The following CPNE1 variants were observed in gnomAD, a reference collection of about 807,000 sequenced individuals.
CPNE1 encodes the protein copine 1.
A neutral mutation model predicts 63.2 loss-of-function variants in CPNE1; 58 were observed. The ratio of observed to expected loss-of-function variants is 0.92; its 90% CI spans 0.74 to 1.14. CPNE1 has a LOEUF of 1.14. CPNE1 is among the 50% of genes most tolerant of loss of function. The probability of loss-of-function intolerance (pLI) is 0.00; values close to 1 mark genes in which losing one functional copy is unlikely to be tolerated. For synonymous variants in CPNE1, 237 were observed against 249.0 expected (o/e 0.95, Z 0.45); for missense variants, 672 against 661.7 (o/e 1.02, Z -0.17).
intron 1 of CPNE1, among the ~76,000 whole-genome samples, chr20:35,640,784 T>C (rs916029466): frequency 6.6e-6 from 1 of 152,160 alleles, no homozygotes; most frequent in African/African-American, 2.4e-5. Flanking sequence ...TTATGAATGC[T>C]AGGAAAGGAG....
intron 1 of CPNE1, among the ~76,000 whole-genome samples, chr20:35,661,071 T>C (rs895937631): frequency 1.3e-5 from 2 of 152,226 alleles, no homozygotes; most frequent in African/African-American, 2.4e-5. Context: ...TCAATCCAGA[T>C]AGAAATTTAT....
At chr20:35,629,646 T>A (rs1262597641) in intron 13 of CPNE1, among the ~76,000 whole-genome samples, 5 of 151,604 alleles carry the variant, frequency 3.3e-5, no homozygotes, top group Non-Finnish European at 7.4e-5. Flanking sequence ...CCCCAAGTCA[T>A]GTGGCATCAT....
In CPNE1 at chr20:35,626,776, C is replaced by G. The variant is rs77812991; in HGVS notation, c.1264G>C (p.Asp422His). ...SQYFMLLLLT[D>H]GAVTDVEATR... ...GCTTCCACATCCGTCACAGCACCAT[C>G]AGTCAGCAGCAACAGCATGAAGTAT... Residue 422 changes from aspartate to histidine, a missense_variant, in exon 15 of 16, where the codon GAT (aspartate) becomes CAT (histidine). Coordinates refer to ENST00000397443, the MANE Select transcript of CPNE1 (RefSeq NM_152925.3). 2 of 1,614,176 alleles carry G rather than the reference C, an allele frequency of 1.2e-6. No individual in the cohort carries two copies. The highest frequency in any genetic ancestry group is 4.5e-5 in the East Asian group (2 of 44,886).
chr20:35,632,661 G>A lies in CPNE1; in HGVS notation c.165C>T (p.Ser55=), dbSNP rs1264935665. 2 of 1,330,152 alleles carry A rather than the reference G, an allele frequency of 1.5e-6. No individual in the cohort carries two copies. Among genetic ancestry groups the A allele is most frequent in the Non-Finnish European group, 2.2e-6 (2 of 920,524 alleles). 82.4% of individuals were successfully genotyped at this position (1,330,152 alleles called of 1,614,324 possible). The change falls in exon 3 of 16, where the codon AGC becomes AGT. Residue 55 remains serine, a synonymous_variant. Transcript: ENST00000397443. ...GRTERVRNCS[S]PEFSKTLQLE... ...GCTGTAGAGTCTTGGAGAACTCAGG[G>A]CTTGAGCAGTTCCGCACCCGTTCAG...
chr20:35,631,492 C>A lies in CPNE1; in HGVS notation c.714G>T (p.Pro238=). Residue 238 remains proline, a splice_region_variant and synonymous_variant, in exon 8 of 16, where the codon CCG becomes CCT. Coordinates refer to ENST00000397443, the MANE Select transcript of CPNE1 (RefSeq NM_152925.3). ...HTSLAQLQAV[P]AEFECIHPEK... ...CACCCCTGGCAAGACCAGCACTCACCGGGACTGCCTGCAGCTGGGCCAAGC... is the reference window on the plus strand; with the variant it reads ...CACCCCTGGCAAGACCAGCACTCACAGGGACTGCCTGCAGCTGGGCCAAGC... The A allele has an allele frequency of 6.2e-7, 1 of 1,613,662 alleles. No homozygotes were observed. Among genetic ancestry groups the A allele is most frequent in the South Asian group, 1.1e-5 (1 of 91,048 alleles).
At chr20:35,634,905 AT>A (rs56017917) in intron 1 of CPNE1, among the ~76,000 whole-genome samples, 10,979 of 121,982 alleles carry the variant, frequency 0.09, 335 homozygotes, top group South Asian at 0.17. Flanking sequence ...ACACCCAGCT[AT>A]TTTTTTTTTT....
intron 1 of CPNE1, among the ~76,000 whole-genome samples, chr20:35,638,613 C>T (rs1342227952): frequency 6.6e-6 from 1 of 151,724 alleles, no homozygotes; most frequent in Non-Finnish European, 1.5e-5. Context: ...CTAACAAACA[C>T]CTAGCCCAAG....
At chr20:35,632,975 C>G (rs753233196) in intron 1 of CPNE1, 52 bp from the exon 2 acceptor site, 15 of 839,858 alleles carry the variant, frequency 1.8e-5, no homozygotes, top group Non-Finnish European at 3.1e-5. Context: ...CTCCCCTTCC[C>G]CGACTACAGG....
intron 1 of CPNE1, among the ~76,000 whole-genome samples, chr20:35,641,028 CT>C (rs1320324143): frequency 2.0e-5 from 3 of 152,292 alleles, no homozygotes; most frequent in East Asian, 1.9e-4. Flanking sequence ...AGGAGTTACC[CT>C]TTATAGTTTG....
intron 1 of CPNE1, among the ~76,000 whole-genome samples, chr20:35,642,895 T>C (rs1319023180): frequency 1.3e-5 from 2 of 151,986 alleles, no homozygotes; most frequent in East Asian, 3.9e-4. Flanking sequence ...ACACAAAAAC[T>C]AAAAGGTGGG....
At chr20:35,646,353 A>G (rs938704117) in intron 1 of CPNE1, among the ~76,000 whole-genome samples, 1 of 148,120 alleles carries the variant, frequency 6.8e-6, no homozygotes, top group African/African-American at 2.5e-5. Context: ...TGTGGTTGTT[A>G]TCATTTGATA....
chr20:35,647,371 G>A (rs1246491852), intron 1 of CPNE1: 2 of 151,420 alleles, frequency 1.3e-5, no homozygotes, highest in Non-Finnish European at 2.9e-5. Context: ...TCCTTGTAGA[G>A]GGGCCATGCT....
chr20:35,631,891 G>C, intron 6 of CPNE1, 54 bp downstream of exon 6: 5 of 1,570,288 alleles, frequency 3.2e-6, no homozygotes, highest in Non-Finnish European at 4.4e-6. Flanking sequence ...GCTAGTCACA[G>C]GCCCCAGGAG....
chr20:35,653,322 AAGTCCTGCACTGGGC>A (rs2070042332), intron 1 of CPNE1: 1 of 1,613,682 alleles, frequency 6.2e-7, no homozygotes, highest in Non-Finnish European at 8.5e-7. Flanking sequence ...CTGCACCGGG[AAGTCCTGCACTGGGC>A]AGTCCCACAC....
At chr20:35,657,852 G>C (rs2033992753) in intron 1 of CPNE1, among the ~76,000 whole-genome samples, 3 of 152,098 alleles carry the variant, frequency 2.0e-5, no homozygotes, top group African/African-American at 7.2e-5. Flanking sequence ...CCCGAGGTCA[G>C]GAGTTCAAGA....
intron 1 of CPNE1, among the ~76,000 whole-genome samples, chr20:35,639,061 T>C (rs1189364044): frequency 6.7e-6 from 1 of 149,338 alleles, no homozygotes; most frequent in East Asian, 2.0e-4. Flanking sequence ...AAAGGAACAC[T>C]GAGTGTACAC....
intron 1 of CPNE1, among the ~76,000 whole-genome samples, chr20:35,639,278 G>T (rs962127161): frequency 1.3e-5 from 2 of 152,052 alleles, no homozygotes; most frequent in Non-Finnish European, 2.9e-5. Flanking sequence ...GCGGATATAT[G>T]GGTATAATTT....
At chr20:35,650,975 T>TCTC (rs907528515) in intron 1 of CPNE1, 3 of 152,614 alleles carry the variant, frequency 2.0e-5, no homozygotes, top group Non-Finnish European at 4.4e-5. Flanking sequence ...TTTCATGATC[T>TCTC]CTCATCTATC....
intron 1 of CPNE1, chr20:35,654,397 T>C (rs1285907637): frequency 1.2e-6 from 2 of 1,614,242 alleles, no homozygotes; most frequent in South Asian, 2.2e-5. Flanking sequence ...GGGCATTCCA[T>C]GCACACTGAC....
Sources: gnomAD v4.1 joint callset for allele counts (sites outside exome capture counted in the v4.1 genomes callset) on GRCh38, gnomAD v4.1.1 for gene constraint, MANE v1.5 for transcripts, NCBI Gene and HGNC (gene_info 2026-07-23, HGNC 2026-07-21) for gene names.